CENPL: variants seen among roughly 807,000 people sequenced by gnomAD.
CENPL encodes the protein centromere protein L.
A neutral mutation model predicts 35.2 loss-of-function variants in CENPL; 20 were observed. The observed-to-expected ratio is 0.57, with a 90% CI of 0.40 to 0.83. The LOEUF is 0.83. Among genes scored for constraint, CENPL ranks in the 40% least tolerant of loss-of-function variants. The probability of loss-of-function intolerance (pLI) is 0.00; values close to 1 mark genes in which losing one functional copy is unlikely to be tolerated. For synonymous variants in CENPL, 140 were observed against 140.6 expected, an observed-to-expected ratio of 1.00 and a Z score of 0.03; for missense variants, 363 against 395.8, an observed-to-expected ratio of 0.92 and a Z score of 0.70.
intron 4 of CENPL, among the ~76,000 whole-genome samples, chr1:173,805,810 C>G (rs965201608): frequency 1.2e-4 from 18 of 152,010 alleles, no homozygotes; most frequent in Admixed American, 1.1e-3. Flanking sequence ...CATCAAGCAT[C>G]ATACCAGCCT....
At chr1:173,811,425 T>A (rs1238089765) in intron 2 of CENPL, 119 bp from the exon 3 acceptor site, 1 of 687,610 alleles carries the variant, frequency 1.5e-6, no homozygotes, top group Non-Finnish European at 2.3e-6. Context: ...CCCCTCCCTA[T>A]CCCCAGTTTT....
At chr1:173,804,553 T>C (rs145277518) in intron 4 of CENPL, among the ~76,000 whole-genome samples, 1 of 152,352 alleles carries the variant, frequency 6.6e-6, no homozygotes, top group East Asian at 1.9e-4. Flanking sequence ...AACTAGATTA[T>C]ACTCCTATTA....
At position 173,803,445 on chromosome 1, in the gene CENPL, A is replaced by G; in HGVS notation, c.481T>C (p.Trp161Arg). Reference sequence around the variant, plus strand: ...CTGTCTCCAAATACACAGCAGAACCAGCCAGTCCACAGCACTTTACCTTCT... The same window carrying G: ...CTGTCTCCAAATACACAGCAGAACCGGCCAGTCCACAGCACTTTACCTTCT... The part of the protein sequence containing the change: ...NREGKVLWTG[W>R]FCCVFGDSLL... The change falls in exon 5 of 6, where the codon TGG becomes CGG. Residue 161 changes from tryptophan to arginine, a missense_variant. Trp to Arg is a moderately radical substitution (Grantham distance 101). Coordinates refer to ENST00000682279, the MANE Select transcript of CENPL (RefSeq NM_001387287.1). 1 of 1,613,662 alleles carries G rather than the reference A, an allele frequency of 6.2e-7. No individual in the cohort carries two copies. The highest frequency in any genetic ancestry group is 8.5e-7 in the Non-Finnish European group (1 of 1,179,596).
At position 173,802,494 on chromosome 1, in the gene CENPL, C is replaced by A. The variant is rs374770676; in HGVS notation, c.963+469G>T. Among the ~76,000 whole-genome samples, 89 of 152,318 alleles carry A rather than the reference C, an allele frequency of 5.8e-4. 1 individual carries two copies. The South Asian group carries it at 0.018, about 32-fold the overall frequency. ...GTGCTGGGATTACAGGCGTGAGCCA[C>A]CATGCCTGGCCTATTTCTGATACTT... On this transcript the variant is annotated intron_variant, in intron 5 of 5. Transcript: ENST00000682279.
chr1:173,800,869 A>C (rs1235828886), intron 5 of CENPL, among the ~76,000 whole-genome samples: 1 of 152,234 alleles, frequency 6.6e-6, no homozygotes, highest in African/African-American at 2.4e-5. Flanking sequence ...AGGCAGGAGG[A>C]TCACTTGAGC....
intron 4 of CENPL, among the ~76,000 whole-genome samples, chr1:173,806,280 GAAT>G (rs1193612429): frequency 2.0e-5 from 3 of 152,094 alleles, no homozygotes; most frequent in African/African-American, 7.2e-5. Context: ...CAGCAGGCAT[GAAT>G]AATAAACAAA....
At chr1:173,816,013 A>ATTCCT (rs1483738476) in intron 2 of CENPL, among the ~76,000 whole-genome samples, 4 of 152,224 alleles carry the variant, frequency 2.6e-5, no homozygotes, top group African/African-American at 9.6e-5. Context: ...ATCAATGTGC[A>ATTCCT]AAAATCACAA....
chr1:173,817,650 A>G (rs1651536701), intron 2 of CENPL, among the ~76,000 whole-genome samples: 1 of 152,240 alleles, frequency 6.6e-6, no homozygotes, highest in African/African-American at 2.4e-5. Flanking sequence ...CGATCCCGTT[A>G]CTGGGTATAT....
intron 3 of CENPL, among the ~76,000 whole-genome samples, chr1:173,810,871 C>A (rs1021702568): frequency 2.6e-5 from 4 of 152,068 alleles, no homozygotes; most frequent in African/African-American, 9.7e-5. Flanking sequence ...GAGCCAAGAT[C>A]GCGCCACTGC....
chr1:173,821,251 T>C (rs1231909664), intron 2 of CENPL, among the ~76,000 whole-genome samples: 2 of 152,194 alleles, frequency 1.3e-5, no homozygotes, highest in East Asian at 1.9e-4. Flanking sequence ...AGCTAACAAA[T>C]AGGAAATCAG....
At chr1:173,808,434 A>G (rs1650447082) in intron 3 of CENPL, 1 of 151,978 alleles carries the variant, frequency 6.6e-6, no homozygotes, top group South Asian at 2.1e-4. Flanking sequence ...TTGGCAGCAA[A>G]TCTACTTTAT....
chr1:173,809,819 T>TG (rs1188334159), intron 3 of CENPL, among the ~76,000 whole-genome samples: 1 of 151,788 alleles, frequency 6.6e-6, no homozygotes, highest in Non-Finnish European at 1.5e-5. Context: ...AAACAACAGA[T>TG]GCTGGTGAGG....
At chr1:173,812,731 G>C (rs192029233) in intron 2 of CENPL, among the ~76,000 whole-genome samples, 32 of 152,310 alleles carry the variant, frequency 2.1e-4, no homozygotes, top group Middle Eastern at 6.8e-3. Flanking sequence ...AACCAGAGCA[G>C]AAAAGCTGAT....
intron 2 of CENPL, among the ~76,000 whole-genome samples, chr1:173,815,938 C>G (rs201667920): frequency 6.6e-6 from 1 of 152,124 alleles, no homozygotes; most frequent in Non-Finnish European, 1.5e-5. Flanking sequence ...TTAGAAAACC[C>G]CATTGTCTCA....
At position 173,811,201 on chromosome 1, in the gene CENPL, C is replaced by T. The variant is rs747460617; in HGVS notation, c.99G>A (p.Ser33=). ...GGATAAATGAACTCTGCTTCCTGAC[C>T]GATTCTAATCGTTTCTGCAGAGGAG... ...GATPLQKRLE[S]VRKQSSFILT... is the part of the protein sequence containing the mutation. The change falls in exon 3 of 6, where the codon TCG becomes TCA. Residue 33 remains serine (S), a synonymous_variant. Transcript: ENST00000682279. 1.1e-5 allele frequency: 18 copies of T among 1,613,702 alleles called. No individual in the cohort carries two copies. The highest frequency in any genetic ancestry group is 4.4e-5 in the South Asian group (4 of 91,060).
In CENPL at chr1:173,807,483, C is replaced by G. The variant is rs1246788624; in HGVS notation, c.204G>C (p.Leu68=). The G allele has an allele frequency of 6.5e-7, 1 of 1,546,196 alleles. No homozygotes were observed. Among genetic ancestry groups the G allele is most frequent in the Admixed American group, 1.8e-5 (1 of 54,394 alleles). The change falls in exon 4 of 6, where the codon CTG becomes CTC. Residue 68 remains leucine (L), a synonymous_variant. Coordinates refer to ENST00000682279, the MANE Select transcript of CENPL (RefSeq NM_001387287.1). ...AACTATATAAAGTCCACTGTTTATG[C>G]AGAAGGAATGCAACCTTTTGAGGGT... The part of the protein sequence containing the change: ...DVDPQKVAFL[L]HKQWTLYSLT...
At chr1:173,809,169 G>A (rs1044941868) in intron 3 of CENPL, among the ~76,000 whole-genome samples, 10 of 151,638 alleles carry the variant, frequency 6.6e-5, no homozygotes, top group African/African-American at 1.9e-4. Flanking sequence ...GGTGAAACCC[G>A]GTCTCTACTA....
intron 2 of CENPL, among the ~76,000 whole-genome samples, chr1:173,820,239 A>G (rs928203698): frequency 4.6e-5 from 7 of 152,164 alleles, no homozygotes; most frequent in Non-Finnish European, 1.0e-4. Flanking sequence ...TTCAGACTTC[A>G]GATTTAACCT....
rs1649600441 is a variant in CENPL, at chr1:173,799,929, T to G, written c.*519A>C. On this transcript the variant is annotated 3_prime_UTR_variant, in exon 6 of 6. Transcript: ENST00000682279. ...CAGGCTGGAGTGCAGTGGTGCAGTC[T>G]TGGCTCACTGCAGCCTGTCTTCTGG... is the stretch of plus-strand genomic sequence containing the variant. 1 of 152,338 alleles carries G rather than the reference T, an allele frequency of 6.6e-6. No homozygotes were observed. Among genetic ancestry groups the G allele is most frequent in the Non-Finnish European group, 1.5e-5 (1 of 68,120 alleles). 9.4% of individuals were successfully genotyped at this position (152,338 alleles called of 1,614,324 possible). A position where few individuals can be genotyped will look rare whatever the true frequency, so the allele number is the denominator to read the frequency against.
Sources: allele counts gnomAD v4.1 joint callset (sites outside exome capture counted in the v4.1 genomes callset), GRCh38; gene constraint gnomAD v4.1.1; transcripts MANE v1.5; gene names NCBI Gene and HGNC (gene_info 2026-07-23, HGNC 2026-07-21).